The following EIF4E3 variants were observed in gnomAD, a reference collection of about 807,000 sequenced individuals.
EIF4E3 encodes eukaryotic translation initiation factor 4E type 3.
In EIF4E3, 26 loss-of-function variants were observed where a neutral mutation model predicts 31.7. The observed-to-expected ratio is 0.82, with a 90% confidence interval of 0.60 to 1.14. The LOEUF (loss-of-function observed/expected upper bound fraction) is 1.14, where lower values mean the gene tolerates loss of function less well. Among genes scored for constraint, EIF4E3 ranks in the 50% most tolerant of loss-of-function variants. The pLI is 0.00. For missense variants in EIF4E3, 304 were observed against 270.9 expected, an observed-to-expected ratio of 1.12 and a Z score of -0.86; for synonymous variants, 128 against 107.7, an observed-to-expected ratio of 1.19 and a Z score of -1.17.
rs1221404596 is a variant in EIF4E3, at chr3:71,682,489, C to T, written c.*2193G>A. ...TTAAACTGATTAAATCAGCTTAGTT[C>T]ATACAAAGTCTATTATGATTAAATA... On this transcript the variant is annotated 3_prime_UTR_variant, in exon 7 of 7. Transcript: ENST00000425534. 5 of 152,170 alleles carry T rather than the reference C, an allele frequency of 3.3e-5. No individual in the cohort carries two copies. The highest frequency in any genetic ancestry group is 6.5e-5 in the Admixed American group (1 of 15,276). The allele number at this position is 152,170 out of a possible 1,614,324, so 9.4% of individuals were successfully genotyped here.
At chr3:71,660,074 T>A in the EIF4E3 span, among the ~76,000 whole-genome samples, 12,665 of 152,188 alleles carry the variant, frequency 0.083, 1,457 homozygotes, top group African/African-American at 0.26. Context: ...GCAGTCAGTA[T>A]GTATGCTCAT....
At chr3:71,741,627 G>T (rs2049822166) in intron 1 of EIF4E3, among the ~76,000 whole-genome samples, 1 of 152,148 alleles carries the variant, frequency 6.6e-6, no homozygotes, top group Non-Finnish European at 1.5e-5. Context: ...CAGAAATTTA[G>T]TAAGAACATA....
intron 1 of EIF4E3, among the ~76,000 whole-genome samples, chr3:71,718,595 T>A (rs1050968523): frequency 1.2e-4 from 19 of 152,214 alleles, no homozygotes; most frequent in African/African-American, 4.6e-4. Flanking sequence ...ACCATTCCCA[T>A]GACAGATCAC....
At chr3:71,726,620 T>C (rs2049642377), upstream of EIF4E3, among the ~76,000 whole-genome samples, 1 of 152,226 alleles carries the variant, frequency 6.6e-6, no homozygotes, top group East Asian at 1.9e-4. Flanking sequence ...TTCGCTGGGA[T>C]GGAAGAGCTA....
chr3:71,729,289 A>G (rs935357646), upstream of EIF4E3: 9 of 152,222 alleles, frequency 5.9e-5, no homozygotes, highest in African/African-American at 1.7e-4. Flanking sequence ...CCTTTACCCA[A>G]TGAGGAACCT....
chr3:71,718,796 CTA>C (rs1340795395), intron 1 of EIF4E3, among the ~76,000 whole-genome samples: 1 of 152,222 alleles, frequency 6.6e-6, no homozygotes, highest in Non-Finnish European at 1.5e-5. Context: ...TGGAAGTACT[CTA>C]TGTCAGGGCC....
chr3:71,684,265 G>T lies in EIF4E3; in HGVS notation c.*417C>A. 1 of 168,822 alleles carries T rather than the reference G, an allele frequency of 5.9e-6. No homozygotes were observed. Among genetic ancestry groups the T allele is most frequent in the South Asian group, 1.5e-4 (1 of 6,774 alleles). 10.5% of individuals were successfully genotyped at this position (168,822 alleles called of 1,614,324 possible). ...CAGTGTGGTATTCAAAAGCAGTATT[G>T]TCACGATTATGCATATTCTCATTAA... On this transcript the variant is annotated 3_prime_UTR_variant, in exon 7 of 7. Transcript: ENST00000425534.
chr3:71,745,499 A>C (rs2049862558), intron 1 of EIF4E3, among the ~76,000 whole-genome samples: 1 of 152,104 alleles, frequency 6.6e-6, no homozygotes, highest in African/African-American at 2.4e-5. Flanking sequence ...CACCATATAA[A>C]GTATATTCAC....
intron 1 of EIF4E3, among the ~76,000 whole-genome samples, chr3:71,738,588 A>T (rs2049787817): frequency 6.6e-6 from 1 of 152,148 alleles, no homozygotes; most frequent in Non-Finnish European, 1.5e-5. Context: ...TTATAAAAGA[A>T]TCAACCCTCC....
upstream of EIF4E3, chr3:71,754,744 CG>C: frequency 7.3e-7 from 1 of 1,378,570 alleles, no homozygotes; most frequent in Non-Finnish European, 9.4e-7. This position sits in a 1 kb window ranked among gnomAD's most constrained non-coding sequence, Gnocchi z 5.8. Context: ...TTCCACGGCC[CG>C]GGCGCCACCG....
chr3:71,728,218 T>C (rs145562683), upstream of EIF4E3, among the ~76,000 whole-genome samples: 48 of 152,356 alleles, frequency 3.2e-4, no homozygotes, highest in African/African-American at 1.2e-3. Context: ...TAAAAGAGAT[T>C]ATACAAAATG....
At chr3:71,754,501 C>A (rs1357586096), upstream of EIF4E3, 3 of 1,286,420 alleles carry the variant, frequency 2.3e-6, no homozygotes, top group African/African-American at 1.6e-5. This position sits in a 1 kb window ranked among gnomAD's most constrained non-coding sequence, Gnocchi z 5.8. Context: ...TGGGCGCTGG[C>A]GCTGGCCGCG....
At chr3:71,695,644 C>G (rs1379266478) in intron 4 of EIF4E3, among the ~76,000 whole-genome samples, 2 of 152,128 alleles carry the variant, frequency 1.3e-5, no homozygotes, top group Non-Finnish European at 2.9e-5. Context: ...ACAAATAAAT[C>G]TGGTCGTGTC....
At chr3:71,739,010 G>T (rs1345125923) in intron 1 of EIF4E3, among the ~76,000 whole-genome samples, 2 of 93,674 alleles carry the variant, frequency 2.1e-5, no homozygotes, top group South Asian at 3.0e-4. Context: ...ATATATATGG[G>T]TTAAAAAGGA....
chr3:71,749,732 A>C (rs544623700), intron 1 of EIF4E3, among the ~76,000 whole-genome samples: 1 of 152,220 alleles, frequency 6.6e-6, no homozygotes, highest in Non-Finnish European at 1.5e-5. Context: ...TCTATGTCCA[A>C]AAGGAATAAT....
chr3:71,737,702 G>T (rs1027179603), intron 1 of EIF4E3, among the ~76,000 whole-genome samples: 1 of 152,130 alleles, frequency 6.6e-6, no homozygotes, highest in African/African-American at 2.4e-5. Flanking sequence ...AAGGCAGGGG[G>T]ATTGCTTGAG....
intron 1 of EIF4E3, among the ~76,000 whole-genome samples, chr3:71,752,364 G>A (rs1241348787): frequency 6.6e-6 from 1 of 152,150 alleles, no homozygotes; most frequent in African/African-American, 2.4e-5. Context: ...TAATGTTCCT[G>A]GAGCACACCT....
In EIF4E3 at chr3:71,684,536, A is replaced by G; in HGVS notation, c.*146T>C. Reference sequence around the variant, plus strand: ...TCCCCCCACCCCACCTGCCACTTTGAGTCCTAATTGCCCATCTGCAAGGAC... The same window carrying G: ...TCCCCCCACCCCACCTGCCACTTTGGGTCCTAATTGCCCATCTGCAAGGAC... On this transcript the variant is annotated 3_prime_UTR_variant, in exon 7 of 7. Transcript: ENST00000425534. The G allele has an allele frequency of 1.4e-6, 1 of 723,392 alleles. No individual in the cohort carries two copies. Among genetic ancestry groups the G allele is most frequent in the East Asian group, 2.8e-5 (1 of 35,124 alleles). 44.8% of individuals were successfully genotyped at this position (723,392 alleles called of 1,614,324 possible). A position where few individuals can be genotyped will look rare whatever the true frequency, so the allele number is the denominator to read the frequency against.
chr3:71,719,712 T>C (rs564882397), intron 1 of EIF4E3, among the ~76,000 whole-genome samples: 31 of 151,884 alleles, frequency 2.0e-4, no homozygotes, highest in African/African-American at 6.8e-4. Flanking sequence ...TGAAGAGTGG[T>C]AGGTGATAAG....
Sources: gnomAD v4.1 joint callset for allele counts (sites outside exome capture counted in the v4.1 genomes callset) on GRCh38, gnomAD v4.1.1 for gene constraint, Gnocchi (gnomAD v3.1) non-coding constraint, MANE v1.5 for transcripts, NCBI Gene and HGNC (gene_info 2026-07-23, HGNC 2026-07-21) for gene names.